Variants in NCKAP5 observed in about 807,000 individuals in gnomAD.
NCKAP5 encodes NCK associated protein 5, also known as nck-associated protein 5.
Under a neutral mutation model 167.0 loss-of-function variants are expected in NCKAP5, and 92 were observed. That is an observed-to-expected ratio of 0.55 (90% CI 0.47 to 0.66). NCKAP5 has a LOEUF of 0.66. Among genes scored for constraint, NCKAP5 ranks in the 30% least tolerant of loss-of-function variants. The pLI, the probability that NCKAP5 is intolerant of heterozygous loss-of-function variation, is 0.00. For synonymous variants in NCKAP5, 891 were observed against 877.4 expected, an observed-to-expected ratio of 1.02 and a Z score of -0.27; for missense variants, 2,378 against 2,315.0, an observed-to-expected ratio of 1.03 and a Z score of -0.56.
chr2:132,823,977 G>A (rs2105333177), intron 11 of NCKAP5, among the ~76,000 whole-genome samples: 1 of 152,272 alleles, frequency 6.6e-6, no homozygotes, highest in Non-Finnish European at 1.5e-5. Context: ...TAATCCAACA[G>A]GAAAATATCA....
intron 4 of NCKAP5, among the ~76,000 whole-genome samples, chr2:133,274,608 T>C (rs974596649): frequency 6.6e-6 from 1 of 152,006 alleles, no homozygotes; most frequent in African/African-American, 2.4e-5. Context: ...GGTACCTTAC[T>C]ATAAAACAAT....
rs1310524686 is a variant in NCKAP5 at position 133,498,480 on chromosome 2, A to AAGGAAGGAAGGAAGGAAGGAAGGCAGGC, written c.69+18977_69+18978insGCCTGCCTTCCTTCCTTCCTTCCTTCCT. ...GAAGGAAGGAAGGAAGGAAGGAAGGAAGGCAGGCAGGCAGGCAGGCAGGCA... is the reference window on the plus strand; with the variant it reads ...GAAGGAAGGAAGGAAGGAAGGAAGGAAGGAAGGAAGGAAGGAAGGAAGGCAGGCAGGCAGGCAGGCAGGCAGGCAGGCA... On this transcript the variant is annotated intron_variant, in intron 3 of 19. Transcript: ENST00000409261. Among the ~76,000 whole-genome samples the AAGGAAGGAAGGAAGGAAGGAAGGCAGGC allele has an allele frequency of 9.8e-5, 10 of 101,794 alleles. No homozygotes were observed. In the East Asian group the frequency reaches 3.1e-3, roughly 32 times the overall value. The allele number at this position is 101,794 out of a possible 152,430, so 66.8% of individuals were successfully genotyped here. A position where few individuals can be genotyped will look rare whatever the true frequency, so the allele number is the denominator to read the frequency against.
intron 6 of NCKAP5, among the ~76,000 whole-genome samples, chr2:133,081,670 G>A (rs1182993878): frequency 2.0e-5 from 3 of 152,116 alleles, no homozygotes; most frequent in African/African-American, 4.8e-5. Flanking sequence ...TACAGGTGAG[G>A]TGAGATGGAT....
intron 10 of NCKAP5, among the ~76,000 whole-genome samples, chr2:132,866,225 G>A (rs759553043): frequency 2.6e-5 from 4 of 152,044 alleles, no homozygotes; most frequent in Admixed American, 1.3e-4. Flanking sequence ...TTTGTTTAGT[G>A]GCAAACAAGC....
intron 8 of NCKAP5, among the ~76,000 whole-genome samples, chr2:132,950,466 A>G (rs1344734677): frequency 6.6e-6 from 1 of 152,224 alleles, no homozygotes; most frequent in Non-Finnish European, 1.5e-5. Flanking sequence ...CTTTGCAATG[A>G]GGCCCCTGGG....
At chr2:133,130,372 A>G (rs912265829) in intron 5 of NCKAP5, among the ~76,000 whole-genome samples, 2 of 152,208 alleles carry the variant, frequency 1.3e-5, no homozygotes, top group Non-Finnish European at 2.9e-5. Flanking sequence ...TAACACTTGA[A>G]TAATTTCCAC....
At chr2:132,970,087 A>G (rs1333530284) in intron 7 of NCKAP5, among the ~76,000 whole-genome samples, 2 of 152,216 alleles carry the variant, frequency 1.3e-5, no homozygotes, top group Non-Finnish European at 2.9e-5. Context: ...AAACGTGGCT[A>G]TACCCTATCC....
At chr2:133,578,814 T>C in the NCKAP5 span, among the ~76,000 whole-genome samples, 1 of 152,220 alleles carries the variant, frequency 6.6e-6, no homozygotes, top group East Asian at 1.9e-4. Flanking sequence ...GAACTTTAAG[T>C]ACCAAAAGGA....
intron 8 of NCKAP5, among the ~76,000 whole-genome samples, chr2:132,885,625 G>T: frequency 6.6e-6 from 1 of 152,144 alleles, no homozygotes; most frequent in Non-Finnish European, 1.5e-5. Context: ...GAGCAAATCC[G>T]TATTGGTTTG....
intron 5 of NCKAP5, among the ~76,000 whole-genome samples, chr2:133,209,326 C>T (rs1398168070): frequency 6.7e-6 from 1 of 149,740 alleles, no homozygotes; most frequent in Non-Finnish European, 1.5e-5. Flanking sequence ...ACGGTGGTGG[C>T]ATTTATTTCC....
At chr2:133,456,583 T>C (rs1460016117) in intron 3 of NCKAP5, among the ~76,000 whole-genome samples, 1 of 152,172 alleles carries the variant, frequency 6.6e-6, no homozygotes, top group Non-Finnish European at 1.5e-5. Flanking sequence ...TCCTTTTTTG[T>C]ATGTCATGAT....
intron 4 of NCKAP5, among the ~76,000 whole-genome samples, chr2:133,273,067 C>T (rs1456544310): frequency 2.0e-5 from 3 of 152,022 alleles, no homozygotes; most frequent in Non-Finnish European, 4.4e-5. Context: ...AGGTATATAC[C>T]TAAGCTGTGG....
the NCKAP5 span, among the ~76,000 whole-genome samples, chr2:133,635,712 T>C: frequency 8.6e-3 from 1,315 of 152,222 alleles, 18 homozygotes; most frequent in African/African-American, 0.03. Flanking sequence ...AAATATACAG[T>C]CTTGTGTTCA....
At chr2:132,750,560 A>C (rs1407048730) in intron 16 of NCKAP5, among the ~76,000 whole-genome samples, 1 of 152,132 alleles carries the variant, frequency 6.6e-6, no homozygotes, top group Non-Finnish European at 1.5e-5. Flanking sequence ...TAAAGAGCTG[A>C]GTTATAGCAT....
intron 6 of NCKAP5, among the ~76,000 whole-genome samples, chr2:133,056,221 C>A (rs551044167): frequency 6.6e-6 from 1 of 152,240 alleles, no homozygotes; most frequent in South Asian, 2.1e-4. Context: ...CAGGTCAACT[C>A]TGGATTCTGC....
chr2:133,539,162 G>A (rs1218028527), intron 2 of NCKAP5, among the ~76,000 whole-genome samples: 1 of 151,766 alleles, frequency 6.6e-6, no homozygotes, highest in African/African-American at 2.4e-5. Flanking sequence ...GGATGGTCTC[G>A]GTCTCCTGAC....
intron 4 of NCKAP5, among the ~76,000 whole-genome samples, chr2:133,238,645 C>G (rs2087537260): frequency 1.3e-5 from 2 of 152,178 alleles, no homozygotes; most frequent in Admixed American, 1.3e-4. Flanking sequence ...CCCCAACTAG[C>G]TACATTCCAG....
chr2:133,131,303 T>C (rs1336760066), intron 5 of NCKAP5, among the ~76,000 whole-genome samples: 1 of 152,156 alleles, frequency 6.6e-6, no homozygotes, highest in Non-Finnish European at 1.5e-5. Context: ...AAGCCTAGGG[T>C]TCCTTCCAGG....
intron 2 of NCKAP5, among the ~76,000 whole-genome samples, chr2:133,539,484 T>C (rs1430923589): frequency 1.3e-5 from 2 of 151,774 alleles, no homozygotes; most frequent in East Asian, 3.9e-4. Flanking sequence ...AATGAAAAGC[T>C]AAAACTGACA....
Sources: allele counts gnomAD v4.1 joint callset (sites outside exome capture counted in the v4.1 genomes callset), GRCh38; gene constraint gnomAD v4.1.1; transcripts MANE v1.5; gene names NCBI Gene and HGNC (gene_info 2026-07-23, HGNC 2026-07-21).